Variants in IRF2 observed in about 807,000 individuals in gnomAD.
The protein encoded by IRF2 is interferon regulatory factor 2.
In IRF2, 15 loss-of-function variants were observed where a neutral mutation model predicts 40.6. That is an observed-to-expected ratio of 0.37 (90% CI 0.25 to 0.57). IRF2 has a LOEUF of 0.57. Ranked by LOEUF, IRF2 falls within the 20% of genes least tolerant of loss-of-function variation. The pLI is 0.77. For missense variants in IRF2, 317 were observed against 455.7 expected, an observed-to-expected ratio of 0.70 and a Z score of 2.77; for synonymous variants, 151 against 165.5, an observed-to-expected ratio of 0.91 and a Z score of 0.67.
intron 6 of IRF2, among the ~76,000 whole-genome samples, chr4:184,404,202 G>A (rs2797507): frequency 2.0e-5 from 3 of 151,854 alleles, no homozygotes; most frequent in African/African-American, 7.3e-5. Context: ...AGGTCACCCA[G>A]GTAGCTGCAG....
intron 4 of IRF2, 134 bp from the exon 5 acceptor site, chr4:184,418,347 G>A: frequency 1.0e-6 from 1 of 964,200 alleles, no homozygotes; most frequent in Non-Finnish European, 1.7e-6. Context: ...AATTCCACAT[G>A]TATCTTTCAC....
At chr4:184,429,148 C>A in intron 1 of IRF2, 78 bp from the exon 2 acceptor site, 1 of 1,051,582 alleles carries the variant, frequency 9.5e-7, no homozygotes, top group South Asian at 1.3e-5. Context: ...TACACCCCGC[C>A]TGACTCTTTC....
intron 1 of IRF2, among the ~76,000 whole-genome samples, chr4:184,446,472 T>C (rs928044533): frequency 6.6e-6 from 1 of 152,102 alleles, no homozygotes; most frequent in African/African-American, 2.4e-5. Flanking sequence ...GCATCGTCAT[T>C]GTGGTGGGGC....
chr4:184,469,906 G>A (rs1209674806), intron 1 of IRF2, among the ~76,000 whole-genome samples: 1 of 152,040 alleles, frequency 6.6e-6, no homozygotes. Flanking sequence ...GTTTTCCTTG[G>A]TACTCTATAA....
In IRF2 at chr4:184,390,644, G is replaced by A. The variant is rs190385144; in HGVS notation, c.741+59C>T. 19 of 1,542,156 alleles carry A rather than the reference G, an allele frequency of 1.2e-5. 1 individual carries two copies. The highest frequency in any genetic ancestry group is 5.4e-5 in the African/African-American group (4 of 73,640). ...GCATAACCAGCAGCAAGGAAAGCCC[G>A]GAGCTGGTCGGGAGGCTTTTCCTTG... On this transcript the variant is annotated intron_variant, in intron 8 of 8. Transcript: ENST00000393593.
At chr4:184,452,208 A>C (rs2149913367) in intron 1 of IRF2, among the ~76,000 whole-genome samples, 1 of 152,340 alleles carries the variant, frequency 6.6e-6, no homozygotes, top group East Asian at 1.9e-4. Context: ...CAACGACAGC[A>C]GCACAGGGGC....
At chr4:184,439,198 T>G (rs1738199753) in intron 1 of IRF2, among the ~76,000 whole-genome samples, 3 of 152,016 alleles carry the variant, frequency 2.0e-5, no homozygotes, top group African/African-American at 7.2e-5. Flanking sequence ...TTTTTCAGGA[T>G]GAATGATGAG....
At chr4:184,396,409 C>T (rs1736460153) in intron 7 of IRF2, among the ~76,000 whole-genome samples, 1 of 151,200 alleles carries the variant, frequency 6.6e-6, no homozygotes, top group South Asian at 2.1e-4. Flanking sequence ...ACGCCAGCCG[C>T]AGATCCATAT....
chr4:184,408,263 C>T lies in IRF2; in HGVS notation c.424G>A (p.Glu142Lys), dbSNP rs559682314. ...CCATTACTAAGCCCCAGAGATGACT[C>T]AACTGGTTCTTGCTAGGAAGAAGAA... ...KVKHIKQEPV[E>K]SSLGLSNGVS... is the part of the protein sequence containing the mutation. Residue 142 changes from glutamate to lysine, a missense_variant, in exon 6 of 9, where the codon GAG (glutamate) becomes AAG (lysine). Glu to Lys is a moderately conservative substitution (Grantham distance 56, BLOSUM62 1). Transcript: ENST00000393593. The surrounding 1 kb of genome is among the most constrained non-coding windows in gnomAD (Gnocchi z 4.9). 6.2e-7 allele frequency: 1 copy of T among 1,605,304 alleles called. No individual in the cohort carries two copies. The highest frequency in any genetic ancestry group is 2.2e-5 in the East Asian group (1 of 44,850).
intron 2 of IRF2, among the ~76,000 whole-genome samples, chr4:184,421,008 A>T (rs999259443): frequency 3.9e-5 from 6 of 152,216 alleles, no homozygotes; most frequent in African/African-American, 1.4e-4. Flanking sequence ...GATTCTGTGG[A>T]GATTAAAGCC....
At chr4:184,461,547 A>G (rs186638527) in intron 1 of IRF2, among the ~76,000 whole-genome samples, 2 of 152,268 alleles carry the variant, frequency 1.3e-5, no homozygotes, top group East Asian at 3.9e-4. Context: ...GGCTACCTCA[A>G]ATCGAAGATA....
chr4:184,393,873 C>T (rs1198093764), intron 7 of IRF2, among the ~76,000 whole-genome samples: 1 of 152,176 alleles, frequency 6.6e-6, no homozygotes, highest in Non-Finnish European at 1.5e-5. Context: ...TTGTTGGATG[C>T]ACTGCGCCCC....
chr4:184,427,461 C>T (rs1327050995), intron 2 of IRF2, among the ~76,000 whole-genome samples: 1 of 152,156 alleles, frequency 6.6e-6, no homozygotes, highest in East Asian at 1.9e-4. Context: ...CCAGACCAGT[C>T]TGGGCAACAT....
Position 184,408,128 on chromosome 4 carries a change from T to C in IRF2, c.529+30A>G, listed in dbSNP as rs1440747102. ...TAGGCCCCAGGGGGCTGCTGGTATG[T>C]ATAAAAAATGAGACGTCAAAACAGT... is the stretch of plus-strand genomic sequence containing the variant. On this transcript the variant is annotated intron_variant, in intron 6 of 8. Coordinates refer to ENST00000393593, the MANE Select transcript of IRF2 (RefSeq NM_002199.4). The surrounding 1 kb of genome is among the most constrained non-coding windows in gnomAD (Gnocchi z 4.9). 1.5e-6 allele frequency: 2 copies of C among 1,338,162 alleles called. No homozygotes were observed. The highest frequency in any genetic ancestry group is 1.2e-5 in the South Asian group (1 of 84,140). The allele number at this position is 1,338,162 out of a possible 1,614,324, so 82.9% of individuals were successfully genotyped here.
At chr4:184,435,072 AGGG>A (rs1219278018) in intron 1 of IRF2, among the ~76,000 whole-genome samples, 6 of 152,204 alleles carry the variant, frequency 3.9e-5, no homozygotes, top group African/African-American at 1.4e-4. Context: ...TAAAAAACCT[AGGG>A]TTTTCTACAA....
chr4:184,470,069 G>T (rs1486526319), intron 1 of IRF2, among the ~76,000 whole-genome samples: 1 of 152,172 alleles, frequency 6.6e-6, no homozygotes, highest in Non-Finnish European at 1.5e-5. Flanking sequence ...AGCACACTGT[G>T]CATGAAGCTG....
At chr4:184,399,847 C>G (rs141314446) in intron 6 of IRF2, among the ~76,000 whole-genome samples, 94 of 152,306 alleles carry the variant, frequency 6.2e-4, no homozygotes, top group African/African-American at 2.2e-3. Flanking sequence ...AAAACTGCCT[C>G]AAATATTTTT....
intron 3 of IRF2, 114 bp downstream of exon 3, chr4:184,419,355 C>G: frequency 1.3e-6 from 1 of 753,376 alleles, no homozygotes; most frequent in Admixed American, 2.1e-5. Flanking sequence ...GGACAAGTCA[C>G]AGGTTTTTCA....
chr4:184,455,115 A>C (rs1206288333), intron 1 of IRF2, among the ~76,000 whole-genome samples: 2 of 152,020 alleles, frequency 1.3e-5, no homozygotes, highest in Non-Finnish European at 2.9e-5. Flanking sequence ...CACAACGCCC[A>C]TTGAATAAAA....
Sources: allele counts gnomAD v4.1 joint callset (sites outside exome capture counted in the v4.1 genomes callset), GRCh38; gene constraint gnomAD v4.1.1; non-coding constraint Gnocchi (gnomAD v3.1); transcripts MANE v1.5; gene names NCBI Gene and HGNC (gene_info 2026-07-23, HGNC 2026-07-21).